The following CIMIP3 variants were observed in gnomAD, a reference collection of about 807,000 sequenced individuals.
CIMIP3 encodes the protein ciliary microtubule inner protein 3.
chr6:42,162,257 T>G, the CIMIP3 span, among the ~76,000 whole-genome samples: 51 of 151,442 alleles, frequency 3.4e-4, no homozygotes, highest in South Asian at 0.011. Flanking sequence ...GTACTAAAAA[T>G]ACAAAAATTA....
the CIMIP3 span, among the ~76,000 whole-genome samples, chr6:42,160,321 T>C: frequency 6.6e-6 from 1 of 152,126 alleles, no homozygotes; most frequent in Non-Finnish European, 1.5e-5. Flanking sequence ...CTATCACAGT[T>C]CATTTCCAGT....
At chr6:42,159,902 C>A in the CIMIP3 span, among the ~76,000 whole-genome samples, 1 of 152,224 alleles carries the variant, frequency 6.6e-6, no homozygotes. Flanking sequence ...AATAGTAACA[C>A]CTTCCTCAAA....
the CIMIP3 span, among the ~76,000 whole-genome samples, chr6:42,162,539 A>G: frequency 2.8e-4 from 43 of 151,068 alleles, no homozygotes; most frequent in Non-Finnish European, 5.6e-4. Context: ...AGAGAGGTCG[A>G]AGGCCTGACG....
At chr6:42,162,894 C>A in the CIMIP3 span, 1 of 610,890 alleles carries the variant, frequency 1.6e-6, no homozygotes, top group Non-Finnish European at 3.0e-6. Context: ...AATGCCTCAG[C>A]TCTCCCCTTC....
chr6:42,162,332 T>G, the CIMIP3 span, among the ~76,000 whole-genome samples: 2 of 151,538 alleles, frequency 1.3e-5, no homozygotes, highest in Admixed American at 1.3e-4. Context: ...GAAGAATCGC[T>G]TGAACCCAGG....
the CIMIP3 span, chr6:42,162,797 T>C: frequency 1.9e-6 from 1 of 518,486 alleles, no homozygotes; most frequent in Non-Finnish European, 3.5e-6. Context: ...AGCACAGCAG[T>C]GCTCCAGAGT....
chr6:42,163,141 C>G, the CIMIP3 span: 7 of 670,412 alleles, frequency 1.0e-5, no homozygotes, highest in South Asian at 1.1e-4. Flanking sequence ...TGAACCCCTT[C>G]TACACTTTGC....
chr6:42,162,375 A>G, the CIMIP3 span, among the ~76,000 whole-genome samples: 2 of 149,044 alleles, frequency 1.3e-5, no homozygotes, highest in Admixed American at 1.4e-4. Context: ...AGATCGTGCC[A>G]TTGTACTCCA....
the CIMIP3 span, among the ~76,000 whole-genome samples, chr6:42,158,045 C>T: frequency 6.6e-6 from 1 of 152,340 alleles, no homozygotes; most frequent in East Asian, 1.9e-4. Flanking sequence ...TGTCTCCAAA[C>T]ATGCATGCCA....
chr6:42,162,029 T>C, the CIMIP3 span, among the ~76,000 whole-genome samples: 4 of 149,686 alleles, frequency 2.7e-5, no homozygotes, highest in South Asian at 8.6e-4. Flanking sequence ...AGAGGTAGAC[T>C]GTGTGGCTGA....
At chr6:42,160,070 C>T in the CIMIP3 span, among the ~76,000 whole-genome samples, 4 of 152,270 alleles carry the variant, frequency 2.6e-5, no homozygotes, top group African/African-American at 4.8e-5. Flanking sequence ...ACTGCAGCCT[C>T]GACCTCCTGG....
chr6:42,163,185 A>G, the CIMIP3 span: 2 of 611,376 alleles, frequency 3.3e-6, no homozygotes, highest in South Asian at 3.9e-5. Flanking sequence ...TACCGCCGGG[A>G]CACTGACCAC....
chr6:42,158,834 C>G, the CIMIP3 span, among the ~76,000 whole-genome samples: 1 of 152,170 alleles, frequency 6.6e-6, no homozygotes, highest in African/African-American at 2.4e-5. Context: ...AGTTCCCCAG[C>G]CATTCTAAAA....
chr6:42,159,836 G>C, the CIMIP3 span, among the ~76,000 whole-genome samples: 2 of 152,362 alleles, frequency 1.3e-5, no homozygotes, highest in African/African-American at 4.8e-5. Flanking sequence ...CCAGTCATGT[G>C]ACCCTGGACA....
chr6:42,155,876 A>C, the CIMIP3 span, among the ~76,000 whole-genome samples: 1 of 152,224 alleles, frequency 6.6e-6, no homozygotes, highest in Non-Finnish European at 1.5e-5. Context: ...TAGCTCATTA[A>C]GTCCTCACAT....
chr6:42,162,841 C>A, the CIMIP3 span: 1 of 575,956 alleles, frequency 1.7e-6, no homozygotes, highest in East Asian at 3.0e-5. Context: ...GGCTCTTTCT[C>A]CTCCCTTCTG....
the CIMIP3 span, among the ~76,000 whole-genome samples, chr6:42,156,528 C>T: frequency 6.6e-6 from 1 of 152,104 alleles, no homozygotes; most frequent in Non-Finnish European, 1.5e-5. Context: ...AGGCCTACCC[C>T]CGGCTTCCCT....
the CIMIP3 span, among the ~76,000 whole-genome samples, chr6:42,161,564 A>G: frequency 2.0e-5 from 3 of 152,190 alleles, no homozygotes; most frequent in Admixed American, 2.0e-4. Context: ...GTAGTGACAG[A>G]GGAATAAATA....
At chr6:42,163,054 G>A in the CIMIP3 span, 36 of 717,492 alleles carry the variant, frequency 5.0e-5, no homozygotes, top group South Asian at 2.7e-4. Context: ...CCTATGTGCC[G>A]GTCGTTGTGG....
Sources: allele counts gnomAD v4.1 joint callset (sites outside exome capture counted in the v4.1 genomes callset), GRCh38; gene constraint gnomAD v4.1.1; transcripts MANE v1.5; gene names NCBI Gene and HGNC (gene_info 2026-07-23, HGNC 2026-07-21).